KBTBD11: variants seen among roughly 807,000 people sequenced by gnomAD.
KBTBD11 encodes the protein kelch repeat and BTB domain containing 11.
For missense variants in KBTBD11, 1,390 were observed against 1,001.8 expected, an observed-to-expected ratio of 1.39 and a Z score of -5.23; for synonymous variants, 747 against 499.0, an observed-to-expected ratio of 1.50 and a Z score of -6.63.
chr8:1,984,270 T>C lies in KBTBD11; in HGVS notation c.-909+10335T>C, dbSNP rs1391786999. Among the ~76,000 whole-genome samples, 4 of 141,678 alleles carry C rather than the reference T, an allele frequency of 2.8e-5. No homozygotes were observed. In the East Asian group the frequency reaches 8.7e-4, roughly 31 times the overall value. The allele number at this position is 141,678 out of a possible 152,430, so 92.9% of individuals were successfully genotyped here. A position where few individuals can be genotyped will look rare whatever the true frequency, so the allele number is the denominator to read the frequency against. ...CTGGGCAACATAGTGAGACCCCATCTCTAAAAAAGTTTTTTTTTTTTTTTT... is the reference window on the plus strand; with the variant it reads ...CTGGGCAACATAGTGAGACCCCATCCCTAAAAAAGTTTTTTTTTTTTTTTT... On this transcript the variant is annotated intron_variant, in intron 1 of 1. Transcript: ENST00000320248.
At chr8:1,974,235 G>A (rs1268320582) in intron 1 of KBTBD11, 1 of 933,844 alleles carries the variant, frequency 1.1e-6, no homozygotes, top group Non-Finnish European at 1.3e-6. Flanking sequence ...CGCGTGGGGG[G>A]CGTGGGGGCC....
rs1178619953 is a variant in KBTBD11 at position 2,001,522 on chromosome 8, G to T, written c.330G>T (p.Pro110=). ...PEEPAAPSPE[P]RVWLEDPASP... ...AGCCCGCGGCGCCGTCCCCCGAACCGCGCGTTTGGCTTGAGGACCCCGCGT... is the reference window on the plus strand; with the variant it reads ...AGCCCGCGGCGCCGTCCCCCGAACCTCGCGTTTGGCTTGAGGACCCCGCGT... Residue 110 remains proline, a synonymous_variant, in exon 2 of 2, where the codon CCG becomes CCT. Coordinates refer to ENST00000320248, the MANE Select transcript of KBTBD11 (RefSeq NM_014867.3). The T allele has an allele frequency of 1.8e-5, 26 of 1,420,122 alleles. No individual in the cohort carries two copies. Among genetic ancestry groups the T allele is most frequent in the Non-Finnish European group, 2.4e-5 (26 of 1,092,422 alleles). The allele number at this position is 1,420,122 out of a possible 1,614,324, so 88.0% of individuals were successfully genotyped here. A position where few individuals can be genotyped will look rare whatever the true frequency, so the allele number is the denominator to read the frequency against.
At chr8:1,975,567 T>C (rs1450046996) in intron 1 of KBTBD11, among the ~76,000 whole-genome samples, 2 of 152,216 alleles carry the variant, frequency 1.3e-5, no homozygotes, top group Admixed American at 1.3e-4. Flanking sequence ...CGCCTAGGTG[T>C]GTAGGTGCCC....
At chr8:1,998,757 A>C (rs972458990) in intron 1 of KBTBD11, among the ~76,000 whole-genome samples, 1 of 151,948 alleles carries the variant, frequency 6.6e-6, no homozygotes, top group Non-Finnish European at 1.5e-5. Flanking sequence ...TCTGATAGAG[A>C]AGTTTGTCTT....
chr8:1,974,065 A>C, intron 1 of KBTBD11, 130 bp downstream of exon 1: 1 of 634,270 alleles, frequency 1.6e-6, no homozygotes, highest in Non-Finnish European at 1.9e-6. Flanking sequence ...GAGGGGAGAA[A>C]AGGGGAGGCC....
intron 1 of KBTBD11, among the ~76,000 whole-genome samples, chr8:1,993,167 G>A (rs1328335835): frequency 6.6e-6 from 1 of 151,762 alleles, no homozygotes; most frequent in African/African-American, 2.4e-5. Context: ...GACTGGCCTC[G>A]AACTCCTTAC....
In KBTBD11 at chr8:2,002,021, T is replaced by A; in HGVS notation, c.829T>A (p.Ser277Thr). 1 of 1,399,604 alleles carries A rather than the reference T, an allele frequency of 7.1e-7. No homozygotes were observed. 86.7% of individuals were successfully genotyped at this position (1,399,604 alleles called of 1,614,324 possible). A position where few individuals can be genotyped will look rare whatever the true frequency, so the allele number is the denominator to read the frequency against. ...CGAGCCCGCCGTGTTCGGCCGCCTG[T>A]CGGGCGCAGAGCGGGACCTGCTGCT... is the stretch of plus-strand genomic sequence containing the variant. ...LREPAVFGRL[S>T]GAERDLLLRR... Residue 277 changes from serine to threonine, a missense_variant, in exon 2 of 2, where the codon TCG becomes ACG. Physicochemically the swap from Ser to Thr is moderately conservative, Grantham distance 58. Coordinates refer to ENST00000320248, the MANE Select transcript of KBTBD11 (RefSeq NM_014867.3). This position sits in a 1 kb window ranked among gnomAD's most constrained non-coding sequence, Gnocchi z 4.1.
intron 1 of KBTBD11, among the ~76,000 whole-genome samples, chr8:1,981,920 G>C (rs1816553089): frequency 6.6e-6 from 1 of 152,182 alleles, no homozygotes; most frequent in Non-Finnish European, 1.5e-5. Flanking sequence ...CCAGCTTGCA[G>C]ATAGCCTGTT....
chr8:1,976,136 CTGAG>C (rs2129307300), intron 1 of KBTBD11: 1 of 152,320 alleles, frequency 6.6e-6, no homozygotes, highest in African/African-American at 2.4e-5. Context: ...GGACTGGTGT[CTGAG>C]TGGGCTTGAG....
intron 1 of KBTBD11, among the ~76,000 whole-genome samples, chr8:1,983,870 C>A (rs1038776077): frequency 3.3e-5 from 5 of 152,276 alleles, no homozygotes; most frequent in Non-Finnish European, 5.9e-5. Context: ...TGGCTTACGC[C>A]TGTAATCCCA....
intron 1 of KBTBD11, among the ~76,000 whole-genome samples, chr8:1,998,706 T>G (rs1350952310): frequency 6.6e-6 from 1 of 152,260 alleles, no homozygotes; most frequent in Non-Finnish European, 1.5e-5. Flanking sequence ...CAGCCAGTTC[T>G]CAGATTTTAT....
intron 1 of KBTBD11, among the ~76,000 whole-genome samples, chr8:1,987,246 C>T (rs909217280): frequency 1.5e-4 from 23 of 152,088 alleles, no homozygotes; most frequent in Non-Finnish European, 2.9e-4. Context: ...ATAGAATTAT[C>T]CAGTATCTTT....
rs1478230527 is a variant in KBTBD11, at chr8:2,004,501, G to A, written c.*1437G>A. 1 of 167,070 alleles carries A rather than the reference G, an allele frequency of 6.0e-6. No homozygotes were observed. The highest frequency in any genetic ancestry group is 1.5e-5 in the Non-Finnish European group (1 of 68,128). 10.3% of individuals were successfully genotyped at this position (167,070 alleles called of 1,614,324 possible). On this transcript the variant is annotated 3_prime_UTR_variant, in exon 2 of 2. Coordinates refer to ENST00000320248, the MANE Select transcript of KBTBD11 (RefSeq NM_014867.3). ...TATTTGTTTGTTAATCCAGTAATGG[G>A]AACTGCCATCTCTGTAGAAATCAGT...
intron 1 of KBTBD11, among the ~76,000 whole-genome samples, chr8:1,991,537 C>G (rs527249734): frequency 6.6e-6 from 1 of 151,484 alleles, no homozygotes; most frequent in African/African-American, 2.5e-5. Flanking sequence ...TCCCTCGATT[C>G]CAGCTCTGTG....
Position 2,000,923 on chromosome 8 carries a change from A to C in KBTBD11, c.-270A>C. 2.6e-6 allele frequency: 1 copy of C among 379,550 alleles called. No homozygotes were observed. Among genetic ancestry groups the C allele is most frequent in the Non-Finnish European group, 4.6e-6 (1 of 215,848 alleles). 23.5% of individuals were successfully genotyped at this position (379,550 alleles called of 1,614,324 possible). On this transcript the variant is annotated 5_prime_UTR_variant, in exon 2 of 2. Transcript: ENST00000320248. The stretch of plus-strand genomic sequence containing the variant: ...ATCCATTCACCAAGACTTTCTGGGC[A>C]GATTTAAAGTGGCTGGGGTTCAGAA...
At chr8:1,985,532 T>C (rs113903255) in intron 1 of KBTBD11, among the ~76,000 whole-genome samples, 1 of 152,354 alleles carries the variant, frequency 6.6e-6, no homozygotes, top group African/African-American at 2.4e-5. Flanking sequence ...CTGGGTGCCA[T>C]GTGGCGTTTA....
chr8:1,988,162 TGC>T (rs1224238693), intron 1 of KBTBD11, among the ~76,000 whole-genome samples: 1 of 152,238 alleles, frequency 6.6e-6, no homozygotes, highest in Non-Finnish European at 1.5e-5. Context: ...TCCAAGTCTT[TGC>T]TATTGTGAAT....
intron 1 of KBTBD11, among the ~76,000 whole-genome samples, chr8:1,977,580 G>C (rs1490770078): frequency 1.3e-5 from 2 of 152,142 alleles, no homozygotes; most frequent in African/African-American, 4.8e-5. Flanking sequence ...CTGGAATCCA[G>C]TGGCACCATG....
intron 1 of KBTBD11, among the ~76,000 whole-genome samples, chr8:1,981,735 C>T (rs1816547351): frequency 6.6e-6 from 1 of 152,224 alleles, no homozygotes; most frequent in Admixed American, 6.5e-5. Context: ...ACACCGTCTT[C>T]TTCTGCCCTT....
Sources: allele counts gnomAD v4.1 joint callset (sites outside exome capture counted in the v4.1 genomes callset), GRCh38; gene constraint gnomAD v4.1.1; non-coding constraint Gnocchi (gnomAD v3.1); transcripts MANE v1.5; gene names NCBI Gene and HGNC (gene_info 2026-07-23, HGNC 2026-07-21).